Variants in KIF1C observed in about 807,000 individuals in gnomAD.
The protein encoded by KIF1C is kinesin-like protein KIF1C.
Under a neutral mutation model 126.5 loss-of-function variants are expected in KIF1C, and 61 were observed. The ratio of observed to expected loss-of-function variants is 0.48; its 90% CI spans 0.39 to 0.60. KIF1C has a LOEUF of 0.60. Among genes scored for constraint, KIF1C ranks in the 20% least tolerant of loss-of-function variants. The probability of loss-of-function intolerance (pLI) is 0.00; values close to 1 mark genes in which losing one functional copy is unlikely to be tolerated. For synonymous variants in KIF1C, 640 were observed against 580.6 expected (o/e 1.10, Z -1.47); for missense variants, 1,315 against 1,489.2 (o/e 0.88, Z 1.93).
At chr17:5,009,693 C>T (rs1387407275) in intron 16 of KIF1C, among the ~76,000 whole-genome samples, 3 of 149,294 alleles carry the variant, frequency 2.0e-5, no homozygotes, top group Admixed American at 6.7e-5. Context: ...GAGGCTGAGG[C>T]AGTAGAATGA....
chr17:5,021,879 G>A (rs375207632), intron 21 of KIF1C, among the ~76,000 whole-genome samples: 2 of 152,064 alleles, frequency 1.3e-5, no homozygotes, highest in Admixed American at 6.5e-5. Flanking sequence ...AGTACTCCAC[G>A]TGGATCTGGG....
rs150594020 is a variant in KIF1C at position 5,004,958 on chromosome 17, G to A, written c.1123G>A (p.Glu375Lys). 1.2e-5 allele frequency: 19 copies of A among 1,614,140 alleles called. No individual in the cohort carries two copies. The highest frequency in any genetic ancestry group is 1.6e-5 in the Non-Finnish European group (19 of 1,180,052). Residue 375 changes from glutamate to lysine, a missense_variant, in exon 13 of 23, where the codon GAA (glutamate) becomes AAA (lysine). By Grantham distance (56) the Glu-to-Lys change is moderately conservative. This residue lies in a region of KIF1C where 874 missense variants were observed against 1,053.2 expected (regional missense o/e 0.83). Transcript: ENST00000320785. ...ELQEEVARLR[E>K]LLMAQGLSAS... is the part of the protein sequence containing the mutation. ...GCAGGAGGAAGTAGCCCGGCTGCGG[G>A]AACTGCTGATGGCTCAGGGACTGTC...
intron 7 of KIF1C, 37 bp from the exon 8 acceptor site, chr17:5,002,694 A>G (rs759463090): frequency 6.2e-7 from 1 of 1,612,802 alleles, no homozygotes. Flanking sequence ...TGGGAAGGTG[A>G]GAGGCAGGAT....
At position 5,000,783 on chromosome 17, in the gene KIF1C, C is replaced by G; in HGVS notation, c.118C>G (p.Pro40Ala). 6.2e-7 allele frequency: 1 copy of G among 1,614,020 alleles called. No homozygotes were observed. The highest frequency in any genetic ancestry group is 8.5e-7 in the Non-Finnish European group (1 of 1,179,948). Residue 40 changes from proline to alanine, a missense_variant, in exon 4 of 23, where the codon CCT becomes GCT. Physicochemically the swap from Pro to Ala is conservative, Grantham distance 27. Coordinates refer to ENST00000320785, the MANE Select transcript of KIF1C (RefSeq NM_006612.6). ...MQGNTTSIIN[P>A]KQSKDAPKSF... is the part of the protein sequence containing the mutation. Reference sequence around the variant, plus strand: ...CTCCTGCCCCTCAGCCATCATCAATCCTAAACAGAGCAAGGATGCCCCCAA... The same window carrying G: ...CTCCTGCCCCTCAGCCATCATCAATGCTAAACAGAGCAAGGATGCCCCCAA...
At chr17:5,016,312 T>A (rs1035194110) in intron 18 of KIF1C, among the ~76,000 whole-genome samples, 2 of 151,794 alleles carry the variant, frequency 1.3e-5, no homozygotes, top group African/African-American at 2.4e-5. Flanking sequence ...TAATTTTGTA[T>A]TTTTAGTAGA....
intron 8 of KIF1C, 106 bp from the exon 9 acceptor site, chr17:5,003,506 T>G (rs1974653757): frequency 1.4e-6 from 1 of 718,586 alleles, no homozygotes; most frequent in African/African-American, 1.8e-5. Flanking sequence ...CTCCTGGCTC[T>G]CTCTAGCCCT....
chr17:5,003,421 A>G (rs2143316980), intron 8 of KIF1C, among the ~76,000 whole-genome samples, 191 bp from the exon 9 acceptor site: 1 of 152,132 alleles, frequency 6.6e-6, no homozygotes, highest in African/African-American at 2.4e-5. Context: ...GCCTGTAGCT[A>G]TTTGTAATTG....
Position 5,022,409 on chromosome 17 carries a change from C to T in KIF1C, c.2328C>T (p.Ala776=), listed in dbSNP as rs1383364290. ...GGGCTGAGATTGAGGCCCTGGCCGCCCTCAAGATGCGGGAGCTGTGTCGCA... is the reference window on the plus strand; with the variant it reads ...GGGCTGAGATTGAGGCCCTGGCCGCTCTCAAGATGCGGGAGCTGTGTCGCA... ...HGRAEIEALA[A]LKMRELCRTY... Residue 776 remains alanine (A), a synonymous_variant, in exon 22 of 23, where the codon GCC becomes GCT. Coordinates refer to ENST00000320785, the MANE Select transcript of KIF1C (RefSeq NM_006612.6). The surrounding 1 kb of genome is among the most constrained non-coding windows in gnomAD (Gnocchi z 4.9). The T allele has an allele frequency of 1.3e-6, 2 of 1,579,262 alleles. No individual in the cohort carries two copies. The highest frequency in any genetic ancestry group is 4.6e-5 in the East Asian group (2 of 43,014).
chr17:5,013,764 C>G, intron 17 of KIF1C, 32 bp downstream of exon 17: 1 of 1,582,690 alleles, frequency 6.3e-7, no homozygotes, highest in Admixed American at 1.7e-5. Context: ...GGGGGGCAGC[C>G]TCTGCTTTTG....
At chr17:5,017,140 C>T (rs1397845607) in intron 18 of KIF1C, among the ~76,000 whole-genome samples, 2 of 152,068 alleles carry the variant, frequency 1.3e-5, no homozygotes, top group Non-Finnish European at 2.9e-5. Context: ...ACCAAAAATA[C>T]ACCTCAGCAG....
At position 5,003,985 on chromosome 17, in the gene KIF1C, T is replaced by A; in HGVS notation, c.865-13T>A. 2.5e-6 allele frequency: 4 copies of A among 1,613,322 alleles called. No individual in the cohort carries two copies. Among genetic ancestry groups the A allele is most frequent in the Non-Finnish European group, 3.4e-6 (4 of 1,179,332 alleles). ...TGACCCACCCTAACCTCCTTCCTCC[T>A]TTTATCCCCCAGCAATCAAAGAAGC... On this transcript the variant is annotated splice_polypyrimidine_tract_variant and intron_variant, in intron 10 of 22. Coordinates refer to ENST00000320785, the MANE Select transcript of KIF1C (RefSeq NM_006612.6).
At chr17:5,016,754 A>T (rs1422170406) in intron 18 of KIF1C, among the ~76,000 whole-genome samples, 1 of 151,598 alleles carries the variant, frequency 6.6e-6, no homozygotes, top group Non-Finnish European at 1.5e-5. Context: ...AAGTACAAAA[A>T]AATTAGCTGG....
At chr17:5,005,851 C>G (rs145871250) in intron 13 of KIF1C, among the ~76,000 whole-genome samples, 9 of 151,390 alleles carry the variant, frequency 5.9e-5, no homozygotes, top group African/African-American at 1.9e-4. Context: ...CTCAGCCTCC[C>G]GAATAACTGG....
chr17:5,021,982 C>T, intron 21 of KIF1C, 110 bp from the exon 22 acceptor site: 1 of 1,275,724 alleles, frequency 7.8e-7, no homozygotes. Context: ...GGACTTGAAC[C>T]CAGGCTCCCT....
rs1489100652 is a variant in KIF1C, at chr17:5,024,549, CTG to C, written c.*400_*401del. The stretch of plus-strand genomic sequence containing the variant: ...CCCCAGCCCCTGTCCGTCTGTCTGT[CTG>C]TCTGTGGTGGTTTCTGTTTCTTGGG... On this transcript the variant is annotated 3_prime_UTR_variant, in exon 23 of 23. Coordinates refer to ENST00000320785, the MANE Select transcript of KIF1C (RefSeq NM_006612.6). The C allele has an allele frequency of 3.3e-5, 6 of 183,080 alleles. No individual in the cohort carries two copies. The highest frequency in any genetic ancestry group is 1.7e-4 in the South Asian group (1 of 5,752). 11.3% of individuals were successfully genotyped at this position (183,080 alleles called of 1,614,324 possible).
rs748285616 is a variant in KIF1C, at chr17:5,022,686, G to A, written c.2605G>A (p.Glu869Lys). ...QALRDRMLRM[E>K]RVIPLAQDHE... ...CCTGCGGGACCGCATGCTCCGCATG[G>A]AGAGGGTCATCCCCCTGGCCCAGGT... Residue 869 changes from glutamate (E) to lysine (K), a missense_variant, in exon 22 of 23, where the codon GAG becomes AAG. Glu to Lys is a moderately conservative substitution (Grantham distance 56). Coordinates refer to ENST00000320785, the MANE Select transcript of KIF1C (RefSeq NM_006612.6). The surrounding 1 kb of genome is among the most constrained non-coding windows in gnomAD (Gnocchi z 4.9). 3 of 1,563,148 alleles carry A rather than the reference G, an allele frequency of 1.9e-6. No homozygotes were observed. The highest frequency in any genetic ancestry group is 2.6e-6 in the Non-Finnish European group (3 of 1,155,232).
rs1597862088 is a variant in KIF1C, at chr17:5,020,579, C to G, written c.1838C>G (p.Pro613Arg). The G allele has an allele frequency of 6.2e-7, 1 of 1,614,256 alleles. No homozygotes were observed. The highest frequency in any genetic ancestry group is 8.5e-7 in the Non-Finnish European group (1 of 1,180,032). Residue 613 changes from proline to arginine, a missense_variant, in exon 20 of 23, where the codon CCA becomes CGA. By Grantham distance (103) the Pro-to-Arg change is moderately radical. Around this residue, in one of 2 missense-constraint regions of KIF1C, gnomAD observed 874 missense variants for 1,053.2 expected, o/e 0.83. Coordinates refer to ENST00000320785, the MANE Select transcript of KIF1C (RefSeq NM_006612.6). This position sits in a 1 kb window ranked among gnomAD's most constrained non-coding sequence, Gnocchi z 5.8. ...ARLERERGVP[P>R]PPGPPSEPVD... ...CTGGAACGGGAACGAGGGGTCCCCC[C>G]ACCCCCAGGACCGCCCTCTGAGCCA... is the stretch of plus-strand genomic sequence containing the variant.
intron 9 of KIF1C, 21 bp from the exon 10 acceptor site, chr17:5,003,830 A>G (rs1457446113): frequency 1.9e-6 from 3 of 1,609,222 alleles, no homozygotes. Flanking sequence ...TCTCATCCCC[A>G]CATTCCTCAT....
Position 5,007,559 on chromosome 17 carries a change from G to GC in KIF1C, c.1491+18dup. On this transcript the variant is annotated intron_variant, in intron 16 of 22. Transcript: ENST00000320785. ...CCAAAGAAGGTGAGTGAGGAATCGA[G>GC]CGAGGAGGCCTAGAGAGCTCTCTGG... The GC allele has an allele frequency of 6.5e-7, 1 of 1,537,544 alleles. No homozygotes were observed. Among genetic ancestry groups the GC allele is most frequent in the Non-Finnish European group, 8.7e-7 (1 of 1,143,016 alleles).
Sources: gnomAD v4.1 joint callset for allele counts (sites outside exome capture counted in the v4.1 genomes callset) on GRCh38, gnomAD v4.1.1 for gene constraint, gnomAD v4.1.1 regional missense constraint, Gnocchi (gnomAD v3.1) non-coding constraint, MANE v1.5 for transcripts, NCBI Gene and HGNC (gene_info 2026-07-23, HGNC 2026-07-21) for gene names.